Variants in PHACTR3 observed in about 807,000 individuals in gnomAD.
PHACTR3 encodes the protein protein phosphatase 1, regulatory subunit 123.
In PHACTR3, 16 loss-of-function variants were observed where a neutral mutation model predicts 66.8. That is an observed-to-expected ratio of 0.24 (90% CI 0.16 to 0.36). The LOEUF (loss-of-function observed/expected upper bound fraction) is 0.36. PHACTR3 is among the 10% of genes least tolerant of loss of function. The pLI, the probability that PHACTR3 is intolerant of heterozygous loss-of-function variation, is 1.00. For missense variants in PHACTR3, 647 were observed against 719.9 expected (o/e 0.90, Z 1.16); for synonymous variants, 323 against 292.1 (o/e 1.11, Z -1.08).
intron 1 of PHACTR3, among the ~76,000 whole-genome samples, chr20:59,666,345 A>G (rs2035985653): frequency 6.6e-6 from 1 of 152,164 alleles, no homozygotes; most frequent in African/African-American, 2.4e-5. Context: ...AAACCAGGCC[A>G]CTGGTCTATT....
intron 1 of PHACTR3, among the ~76,000 whole-genome samples, chr20:59,617,348 T>G (rs2034064862): frequency 6.6e-6 from 1 of 152,224 alleles, no homozygotes; most frequent in Non-Finnish European, 1.5e-5. Context: ...TGTTGGAAAT[T>G]CCTGGAGCAA....
At chr20:59,708,983 C>T (rs1381929393) in intron 1 of PHACTR3, among the ~76,000 whole-genome samples, 1 of 152,204 alleles carries the variant, frequency 6.6e-6, no homozygotes, top group Non-Finnish European at 1.5e-5. Context: ...CATTGGCCTT[C>T]TTCATTGGCT....
chr20:59,685,194 C>T (rs1480150759), intron 1 of PHACTR3, among the ~76,000 whole-genome samples: 3 of 152,216 alleles, frequency 2.0e-5, no homozygotes, highest in Non-Finnish European at 2.9e-5. Context: ...GCTGTGGCCC[C>T]CTTCCTGCCC....
chr20:59,710,055 T>A (rs1456299027), intron 1 of PHACTR3, among the ~76,000 whole-genome samples: 1 of 152,148 alleles, frequency 6.6e-6, no homozygotes, highest in Non-Finnish European at 1.5e-5. Context: ...TGTTGGTAAG[T>A]GGCAAAGTCA....
intron 1 of PHACTR3, among the ~76,000 whole-genome samples, chr20:59,598,097 CAA>C (rs1280921981): frequency 3.3e-5 from 5 of 152,002 alleles, no homozygotes; most frequent in Non-Finnish European, 7.4e-5. Flanking sequence ...GCCCATGACA[CAA>C]GAGTGCAGGG....
At chr20:59,808,268 G>C (rs1276593940) in intron 8 of PHACTR3, among the ~76,000 whole-genome samples, 1 of 152,228 alleles carries the variant, frequency 6.6e-6, no homozygotes, top group Non-Finnish European at 1.5e-5. Flanking sequence ...ACTGCCCAAA[G>C]GTGCCAAGAG....
rs1027685375 is a variant in PHACTR3 at position 59,604,965 on chromosome 20, C to T, written c.-50C>T. The T allele has an allele frequency of 8.1e-7, 1 of 1,228,944 alleles. No homozygotes were observed. 76.1% of individuals were successfully genotyped at this position (1,228,944 alleles called of 1,614,324 possible). A position where few individuals can be genotyped will look rare whatever the true frequency, so the allele number is the denominator to read the frequency against. On this transcript the variant is annotated 5_prime_UTR_variant, in exon 1 of 13. Transcript: ENST00000371015. ...CCGGTGACCTTGGCCGCCTCGGATG[C>T]TCTGATTCCACGCGGCTCGCTCTAA...
At chr20:59,761,904 G>A (rs1362193671) in intron 4 of PHACTR3, among the ~76,000 whole-genome samples, 4 of 152,196 alleles carry the variant, frequency 2.6e-5, no homozygotes, top group South Asian at 2.1e-4. Context: ...CCAAGGGAGC[G>A]GTCCCCCAAA....
chr20:59,719,032 G>A (rs1466908315), intron 1 of PHACTR3, among the ~76,000 whole-genome samples: 2 of 152,230 alleles, frequency 1.3e-5, no homozygotes, highest in Middle Eastern at 3.2e-3. Flanking sequence ...AGTTGCATGA[G>A]GGTTTTTTTC....
chr20:59,618,476 C>CAGACCAGGGA (rs2034113792), intron 1 of PHACTR3, among the ~76,000 whole-genome samples: 1 of 152,164 alleles, frequency 6.6e-6, no homozygotes, highest in Non-Finnish European at 1.5e-5. Context: ...GTGGCAGCCA[C>CAGACCAGGGA]AGATGGTGGG....
intron 1 of PHACTR3, among the ~76,000 whole-genome samples, chr20:59,667,223 T>C (rs563356265): frequency 4.2e-4 from 64 of 152,028 alleles, no homozygotes; most frequent in African/African-American, 1.4e-3. Flanking sequence ...GCAGGGGAGG[T>C]TGAGGTAATA....
At chr20:59,698,912 C>G (rs2037393819) in intron 1 of PHACTR3, among the ~76,000 whole-genome samples, 1 of 152,096 alleles carries the variant, frequency 6.6e-6, no homozygotes, top group Non-Finnish European at 1.5e-5. Context: ...CCTAGCTGAG[C>G]CACAGGATGT....
chr20:59,839,038 TA>T (rs75920578), intron 9 of PHACTR3, among the ~76,000 whole-genome samples: 3,998 of 140,256 alleles, frequency 0.029, 42 homozygotes, highest in Middle Eastern at 0.046. Context: ...TTTTCAGGAT[TA>T]AAAAAAAAAA....
At chr20:59,732,124 G>T (rs980855163) in intron 1 of PHACTR3, among the ~76,000 whole-genome samples, 1 of 152,110 alleles carries the variant, frequency 6.6e-6, no homozygotes, top group African/African-American at 2.4e-5. Flanking sequence ...TATGCACTGG[G>T]GCTCTCATGA....
intron 7 of PHACTR3, among the ~76,000 whole-genome samples, chr20:59,796,289 A>G (rs907322741): frequency 6.6e-6 from 1 of 152,116 alleles, no homozygotes; most frequent in African/African-American, 2.4e-5. Context: ...CTTAATTTAC[A>G]TCTTTTTAAT....
At chr20:59,588,405 T>C (rs183392866) in intron 1 of PHACTR3, among the ~76,000 whole-genome samples, 3 of 152,236 alleles carry the variant, frequency 2.0e-5, no homozygotes, top group African/African-American at 4.8e-5. Flanking sequence ...AGCAGCCCCG[T>C]CCCCCTGGTC....
At chr20:59,840,986 T>C (rs1022743666) in intron 10 of PHACTR3, among the ~76,000 whole-genome samples, 8 of 152,238 alleles carry the variant, frequency 5.3e-5, no homozygotes, top group African/African-American at 1.9e-4. Context: ...CCCTTCTTCG[T>C]TGTGCTGCTC....
chr20:59,670,606 G>GGGGA, intron 1 of PHACTR3, among the ~76,000 whole-genome samples: 1 of 70,304 alleles, frequency 1.4e-5, no homozygotes, highest in East Asian at 5.0e-4. Context: ...TGCCGGGGGT[G>GGGGA]GGGGGGGGGG....
At chr20:59,583,508 C>T (rs893514469) in intron 1 of PHACTR3, among the ~76,000 whole-genome samples, 4 of 152,214 alleles carry the variant, frequency 2.6e-5, no homozygotes, top group African/African-American at 9.6e-5. Context: ...TGCTCCTTCT[C>T]GCAGCCTGGC....
Sources: gnomAD v4.1 joint callset for allele counts (sites outside exome capture counted in the v4.1 genomes callset) on GRCh38, gnomAD v4.1.1 for gene constraint, MANE v1.5 for transcripts, NCBI Gene and HGNC (gene_info 2026-07-23, HGNC 2026-07-21) for gene names.